CCDC83: variants seen among roughly 807,000 people sequenced by gnomAD.
The protein encoded by CCDC83 is coiled-coil domain containing 83.
CCDC83 carries 54 observed loss-of-function variants against 50.1 expected under a neutral mutation model. That is an observed-to-expected ratio of 1.08 (90% CI 0.87 to 1.35). The LOEUF is 1.35. CCDC83 is among the 40% of genes most tolerant of loss of function. The pLI, the probability that CCDC83 is intolerant of heterozygous loss-of-function variation, is 0.00. For synonymous variants in CCDC83, 161 were observed against 153.3 expected, an observed-to-expected ratio of 1.05 and a Z score of -0.37; for missense variants, 518 against 473.9, an observed-to-expected ratio of 1.09 and a Z score of -0.86.
At position 85,873,676 on chromosome 11, in the gene CCDC83, C is replaced by T. The variant is rs1387171297; in HGVS notation, c.180+381C>T. Among the ~76,000 whole-genome samples the T allele has an allele frequency of 5.9e-5, 9 of 152,052 alleles. No homozygotes were observed. In the East Asian group the frequency reaches 9.7e-4, roughly 16 times the overall value. ...TTCTTTTAGATTTTCAGAGAGTATG[C>T]GTATGTAAATACCATTTGAAAAGCA... On this transcript the variant is annotated intron_variant, in intron 3 of 10. Coordinates refer to ENST00000342404, the MANE Select transcript of CCDC83 (RefSeq NM_001286159.2).
intron 3 of CCDC83, among the ~76,000 whole-genome samples, chr11:85,876,288 C>A (rs934566130): frequency 2.6e-5 from 4 of 152,078 alleles, no homozygotes; most frequent in African/African-American, 9.7e-5. Flanking sequence ...ATTTTCATAT[C>A]TATATTTGAT....
intron 7 of CCDC83, among the ~76,000 whole-genome samples, chr11:85,908,915 T>C (rs2093439209): frequency 6.6e-6 from 1 of 151,574 alleles, no homozygotes; most frequent in African/African-American, 2.4e-5. Flanking sequence ...CCCTGTCTCA[T>C]GTTTTTGGTT....
At chr11:85,911,212 TAAAGA>T (rs2093452175) in intron 7 of CCDC83, 64 bp from the exon 8 acceptor site, 5 of 1,116,834 alleles carry the variant, frequency 4.5e-6, no homozygotes, top group Non-Finnish European at 5.9e-6. Flanking sequence ...AAGAAAAAAA[TAAAGA>T]AAAGAAAACT....
intron 7 of CCDC83, among the ~76,000 whole-genome samples, chr11:85,905,785 C>A (rs1485108637): frequency 6.6e-6 from 1 of 151,006 alleles, no homozygotes; most frequent in African/African-American, 2.4e-5. Context: ...CTGGCTAACA[C>A]GGTGAAACCC....
chr11:85,916,517 A>T, intron 10 of CCDC83: 1 of 352,998 alleles, frequency 2.8e-6, no homozygotes, highest in Non-Finnish European at 5.2e-6. Flanking sequence ...TATAACAATA[A>T]CTATTTATTC....
At chr11:85,881,786 G>A (rs188875611) in intron 3 of CCDC83, among the ~76,000 whole-genome samples, 33 of 152,148 alleles carry the variant, frequency 2.2e-4, no homozygotes, top group South Asian at 4.1e-4. Context: ...GGTAAGGTGT[G>A]GTTTTTCTCT....
At chr11:85,863,125 A>G (rs2153682044) in intron 1 of CCDC83, among the ~76,000 whole-genome samples, 1 of 152,388 alleles carries the variant, frequency 6.6e-6, no homozygotes, top group African/African-American at 2.4e-5. Flanking sequence ...GATCTCTTCC[A>G]TATGACTTAG....
At chr11:85,916,268 G>A in intron 10 of CCDC83, 35 bp downstream of exon 10, 1 of 1,391,724 alleles carries the variant, frequency 7.2e-7, no homozygotes, top group Non-Finnish European at 1.0e-6. Context: ...TGACTACTAA[G>A]AAAATGCTGT....
chr11:85,886,515 G>A (rs1210565349), intron 5 of CCDC83, 148 bp downstream of exon 5: 3 of 556,250 alleles, frequency 5.4e-6, no homozygotes, highest in Non-Finnish European at 5.7e-6. Flanking sequence ...AAAGGTGGAG[G>A]GAGGAAGCAG....
At chr11:85,917,124 A>G (rs1311212838) in intron 10 of CCDC83, among the ~76,000 whole-genome samples, 5 of 107,810 alleles carry the variant, frequency 4.6e-5, no homozygotes, top group African/African-American at 2.1e-4. Context: ...AGAAAGAAAA[A>G]AGAAAAAGAA....
Position 85,895,248 on chromosome 11 carries a change from T to C in CCDC83, c.512-45T>C, listed in dbSNP as rs200365832. ...TAGTTTTACCTAGAATCATGCTTGA[T>C]AAGGCTTTTAATTTTCTTTTTTTTT... On this transcript the variant is annotated intron_variant, in intron 5 of 10. Transcript: ENST00000342404. 86 of 834,774 alleles carry C rather than the reference T, an allele frequency of 1.0e-4. 5 individuals are homozygous for C. The African/African-American group carries it at 2.4e-3, about 23-fold the overall frequency. The allele number at this position is 834,774 out of a possible 1,614,324, so 51.7% of individuals were successfully genotyped here.
At chr11:85,917,130 A>AGAGAGAG (rs1565159796) in intron 10 of CCDC83, among the ~76,000 whole-genome samples, 5 of 69,596 alleles carry the variant, frequency 7.2e-5, no homozygotes, top group African/African-American at 3.5e-4. Context: ...AAAAAAGAAA[A>AGAGAGAG]AGAAAGAGAG....
At chr11:85,855,807 T>C (rs1253660513) in intron 1 of CCDC83, among the ~76,000 whole-genome samples, 1 of 152,214 alleles carries the variant, frequency 6.6e-6, no homozygotes, top group African/African-American at 2.4e-5. Flanking sequence ...GAGCTGGGAC[T>C]AAGCTCGGTC....
intron 1 of CCDC83, among the ~76,000 whole-genome samples, chr11:85,862,646 G>A (rs1419835360): frequency 6.6e-6 from 1 of 152,088 alleles, no homozygotes; most frequent in African/African-American, 2.4e-5. Flanking sequence ...TAACCTTCCT[G>A]GAAGATAATT....
intron 10 of CCDC83, among the ~76,000 whole-genome samples, chr11:85,917,157 AGAGAGAGAG>A (rs2093481806): frequency 9.8e-6 from 1 of 101,772 alleles, no homozygotes; most frequent in East Asian, 2.6e-4. Context: ...AGAGAGAGAG[AGAGAGAGAG>A]AGAAAGAAAG....
In CCDC83 at chr11:85,882,409, G is replaced by A. The variant is rs548258476; in HGVS notation, c.181-104G>A. On this transcript the variant is annotated intron_variant, in intron 3 of 10. Transcript: ENST00000342404. ...AAGTAGAAGTCCAGGCTTCCCACTT[G>A]CCTTCCTGTGATACCCAAAGGCCGG... 84 of 1,056,250 alleles carry A rather than the reference G, an allele frequency of 8.0e-5. No homozygotes were observed. The South Asian group carries it at 1.3e-3, about 16-fold the overall frequency. 65.4% of individuals were successfully genotyped at this position (1,056,250 alleles called of 1,614,324 possible). A position where few individuals can be genotyped will look rare whatever the true frequency, so the allele number is the denominator to read the frequency against.
chr11:85,892,430 T>C (rs1476928160), intron 5 of CCDC83, among the ~76,000 whole-genome samples: 1 of 152,196 alleles, frequency 6.6e-6, no homozygotes, highest in Non-Finnish European at 1.5e-5. Flanking sequence ...TTCACCCTTG[T>C]CCTGGGTACT....
At chr11:85,885,109 G>A (rs530737173) in intron 4 of CCDC83, among the ~76,000 whole-genome samples, 1 of 152,188 alleles carries the variant, frequency 6.6e-6, no homozygotes, top group South Asian at 2.1e-4. Context: ...AGCTACTTGG[G>A]AGACTGAGGC....
chr11:85,903,872 C>T (rs1289753674), intron 7 of CCDC83, among the ~76,000 whole-genome samples: 1 of 152,066 alleles, frequency 6.6e-6, no homozygotes, highest in Non-Finnish European at 1.5e-5. Flanking sequence ...GAGGATGAGG[C>T]AGCAGGATCA....
Sources: gnomAD v4.1 joint callset for allele counts (sites outside exome capture counted in the v4.1 genomes callset) on GRCh38, gnomAD v4.1.1 for gene constraint, MANE v1.5 for transcripts, NCBI Gene and HGNC (gene_info 2026-07-23, HGNC 2026-07-21) for gene names.